Variants in LARGE1 observed in about 807,000 individuals in gnomAD.
LARGE1 encodes LARGE xylosyl- and glucuronyltransferase 1.
Under a neutral mutation model 87.6 loss-of-function variants are expected in LARGE1, and 43 were observed. The observed-to-expected ratio is 0.49, with a 90% CI of 0.38 to 0.63. LARGE1 has a LOEUF of 0.63. Among genes scored for constraint, LARGE1 ranks in the 30% least tolerant of loss-of-function variants. The pLI is 0.00. For synonymous variants in LARGE1, 434 were observed against 394.6 expected, an observed-to-expected ratio of 1.10 and a Z score of -1.18; for missense variants, 802 against 1,000.2, an observed-to-expected ratio of 0.80 and a Z score of 2.67.
intron 4 of LARGE1, among the ~76,000 whole-genome samples, chr22:33,619,737 A>T (rs934197787): frequency 6.6e-6 from 1 of 152,128 alleles, no homozygotes; most frequent in Admixed American, 6.5e-5. Flanking sequence ...AACTCTGAGT[A>T]AAATGGACAT....
the LARGE1 span, among the ~76,000 whole-genome samples, chr22:33,080,951 T>TTCCATCCATCCA: frequency 9.4e-3 from 1,397 of 149,334 alleles, 24 homozygotes; most frequent in African/African-American, 0.03. Context: ...TCCATCTGTC[T>TTCCATCCATCCA]TCCATCCATC....
At chr22:33,669,924 T>C (rs2081362385) in intron 2 of LARGE1, among the ~76,000 whole-genome samples, 1 of 152,172 alleles carries the variant, frequency 6.6e-6, no homozygotes, top group Admixed American at 6.5e-5. Flanking sequence ...TGCACTGTTG[T>C]TGGTATTATA....
intron 12 of LARGE1, among the ~76,000 whole-genome samples, chr22:33,298,306 T>C (rs1490155132): frequency 1.3e-5 from 2 of 152,220 alleles, no homozygotes; most frequent in Non-Finnish European, 2.9e-5. Flanking sequence ...CCCTGTTCAC[T>C]GTTCTAGCCC....
intron 7 of LARGE1, among the ~76,000 whole-genome samples, chr22:33,425,368 G>A (rs957569449): frequency 6.6e-6 from 1 of 152,206 alleles, no homozygotes; most frequent in Non-Finnish European, 1.5e-5. Flanking sequence ...AAACAAGAAA[G>A]TAAGTCCTCA....
chr22:33,761,749 TAAC>T lies in LARGE1; in HGVS notation c.-82-194_-82-192del, dbSNP rs71667420. On this transcript the variant is annotated intron_variant, in intron 1 of 14. Coordinates refer to ENST00000397394, the MANE Select transcript of LARGE1 (RefSeq NM_133642.5). ...CTGAGACAATAAATAAATAAGTAAA[TAAC>T]AAAAACTGTAAGCTCGCTCTCTCAC... 0.049 allele frequency among the ~76,000 whole-genome samples: 7,375 copies of T among 151,950 alleles called. 591 individuals are homozygous for T. The highest frequency in any genetic ancestry group is 0.17 in the African/African-American group (7,041 of 41,366).
intron 1 of LARGE1, among the ~76,000 whole-genome samples, chr22:33,823,898 C>T (rs2062707671): frequency 6.6e-6 from 1 of 152,320 alleles, no homozygotes; most frequent in South Asian, 2.1e-4. Flanking sequence ...CACCACCCCA[C>T]AGCCCAGTGA....
chr22:33,768,059 C>A (rs2084958599), intron 1 of LARGE1, among the ~76,000 whole-genome samples: 1 of 152,206 alleles, frequency 6.6e-6, no homozygotes, highest in Non-Finnish European at 1.5e-5. Flanking sequence ...CCTGTAATCC[C>A]AACACTTTGG....
chr22:33,127,123 C>T, the LARGE1 span, among the ~76,000 whole-genome samples: 101,279 of 152,046 alleles, frequency 0.67, 34,146 homozygotes, highest in African/African-American at 0.76. Flanking sequence ...TTTGAGAGAA[C>T]AGATTTTTCC....
At chr22:33,790,999 A>G (rs1378204266) in intron 1 of LARGE1, among the ~76,000 whole-genome samples, 1 of 152,264 alleles carries the variant, frequency 6.6e-6, no homozygotes, top group Non-Finnish European at 1.5e-5. Flanking sequence ...CAACGGCAGT[A>G]ACTTTTCATT....
At chr22:33,756,442 AG>A (rs1476189452) in intron 2 of LARGE1, among the ~76,000 whole-genome samples, 4 of 152,216 alleles carry the variant, frequency 2.6e-5, no homozygotes, top group Admixed American at 1.3e-4. Flanking sequence ...TTAGGTAAAT[AG>A]GGAGCCAAGG....
chr22:33,389,795 C>T (rs887314680), intron 7 of LARGE1, among the ~76,000 whole-genome samples: 6 of 151,952 alleles, frequency 3.9e-5, no homozygotes, highest in African/African-American at 1.2e-4. Flanking sequence ...CAGTGAGCCG[C>T]GACTGCATCA....
At chr22:33,231,109 TAAAC>T (rs1371215054) in intron 11 of LARGE1, among the ~76,000 whole-genome samples, 1 of 152,250 alleles carries the variant, frequency 6.6e-6, no homozygotes, top group African/African-American at 2.4e-5. Context: ...ACTGTTTTAA[TAAAC>T]AAAAACAGTT....
chr22:33,549,856 C>T lies in LARGE1; in HGVS notation c.787+14992G>A, dbSNP rs147830488. Among the ~76,000 whole-genome samples, 133 of 152,196 alleles carry T rather than the reference C, an allele frequency of 8.7e-4. 1 individual carries two copies. In the East Asian group the frequency reaches 0.021, roughly 24 times the overall value. The stretch of plus-strand genomic sequence containing the variant: ...TGCAGTATTTGGTTTTCTGTCCTTG[C>T]GATAGTTTGCTCAGAATGAAGGTTT... On this transcript the variant is annotated intron_variant, in intron 6 of 14. Transcript: ENST00000397394.
chr22:33,338,726 G>C (rs1311080039), intron 9 of LARGE1, among the ~76,000 whole-genome samples: 1 of 152,198 alleles, frequency 6.6e-6, no homozygotes, highest in African/African-American at 2.4e-5. Flanking sequence ...TGAGTGCCTA[G>C]AGTATAGAGG....
At chr22:33,784,724 T>C (rs62225437) in intron 1 of LARGE1, among the ~76,000 whole-genome samples, 11,487 of 152,050 alleles carry the variant, frequency 0.076, 531 homozygotes, top group Admixed American at 0.11. Flanking sequence ...TATACACACA[T>C]ACAGAGTTTA....
chr22:33,525,991 T>C (rs983305549), intron 6 of LARGE1, among the ~76,000 whole-genome samples: 2 of 152,180 alleles, frequency 1.3e-5, no homozygotes, highest in Non-Finnish European at 2.9e-5. Flanking sequence ...GAAATATTCA[T>C]AGCAACATTA....
intron 6 of LARGE1, among the ~76,000 whole-genome samples, chr22:33,517,028 T>C (rs1483646805): frequency 1.3e-5 from 2 of 152,184 alleles, no homozygotes; most frequent in Non-Finnish European, 2.9e-5. Context: ...CTCTTTGTTA[T>C]CTACATTAAA....
At chr22:33,424,632 C>T (rs1166891824) in intron 7 of LARGE1, among the ~76,000 whole-genome samples, 1 of 151,926 alleles carries the variant, frequency 6.6e-6, no homozygotes, top group Non-Finnish European at 1.5e-5. Flanking sequence ...CGAGACCAGC[C>T]TGAGCAACAA....
chr22:33,585,936 C>T (rs911062729), intron 5 of LARGE1, among the ~76,000 whole-genome samples: 10 of 152,322 alleles, frequency 6.6e-5, no homozygotes, highest in African/African-American at 1.9e-4. Context: ...CGACCTCAAA[C>T]GATCCACCTG....
Sources: allele counts gnomAD v4.1 joint callset (sites outside exome capture counted in the v4.1 genomes callset), GRCh38; gene constraint gnomAD v4.1.1; transcripts MANE v1.5; gene names NCBI Gene and HGNC (gene_info 2026-07-23, HGNC 2026-07-21).